Variants in DCUN1D5 observed in about 807,000 individuals in gnomAD.
The protein encoded by DCUN1D5 is defective in cullin neddylation 1 domain containing 5.
Under a neutral mutation model 38.3 loss-of-function variants are expected in DCUN1D5, and 10 were observed. The observed-to-expected ratio is 0.26, with a 90% confidence interval of 0.16 to 0.44. The LOEUF (loss-of-function observed/expected upper bound fraction) is 0.44, where lower values mean the gene tolerates loss of function less well. Ranked by LOEUF, DCUN1D5 falls within the 20% of genes least tolerant of loss-of-function variation. The pLI is 1.00. For synonymous variants in DCUN1D5, 93 were observed against 90.9 expected (o/e 1.02, Z -0.13); for missense variants, 148 against 275.3 (o/e 0.54, Z 3.27).
In DCUN1D5 at chr11:103,058,840, G is replaced by A. The variant is rs528681159; in HGVS notation, c.*3519C>T. Among the ~76,000 whole-genome samples, 8 of 152,102 alleles carry A rather than the reference G, an allele frequency of 5.3e-5. No individual in the cohort carries two copies. The highest frequency in any genetic ancestry group is 4.6e-4 in the Admixed American group (7 of 15,280). ...AAAGTGGTATTTCCTCAAGAGGGAA[G>A]GATTCCTCCTTAGAGGTAAGAATTC... On this transcript the variant is annotated 3_prime_UTR_variant, in exon 8 of 8. Coordinates refer to ENST00000260247, the MANE Select transcript of DCUN1D5 (RefSeq NM_032299.4).
At position 103,071,966 on chromosome 11, in the gene DCUN1D5, A is replaced by G. The variant is rs1211621590; in HGVS notation, c.342-5399T>C. ...TGATACCAAAACCAGGCAAATACAA[A>G]AAAAAGCCACATAATTTTATCATTT... On this transcript the variant is annotated intron_variant, in intron 4 of 7. Transcript: ENST00000260247. This position sits in a 1 kb window ranked among gnomAD's most constrained non-coding sequence, Gnocchi z 4.1. Among the ~76,000 whole-genome samples, 2 of 151,820 alleles carry G rather than the reference A, an allele frequency of 1.3e-5. No homozygotes were observed. The highest frequency in any genetic ancestry group is 2.9e-5 in the Non-Finnish European group (2 of 67,930).
At chr11:103,076,743 C>A (rs1397732676) in intron 4 of DCUN1D5, among the ~76,000 whole-genome samples, 1 of 152,144 alleles carries the variant, frequency 6.6e-6, no homozygotes, top group Non-Finnish European at 1.5e-5. Flanking sequence ...AAATGAGAAT[C>A]CATGTGTTAA....
At position 103,050,977 on chromosome 11, in the gene DCUN1D5, C is replaced by T. The variant is rs1861711926; in HGVS notation, c.*11382G>A. ...CAGACCCAGAATAAGGGGGGAAACC[C>T]TCCATGTCTACAGGATGCAGTAGAG... is the stretch of plus-strand genomic sequence containing the variant. On this transcript the variant is annotated 3_prime_UTR_variant, in exon 8 of 8. Transcript: ENST00000260247. 6.6e-6 allele frequency: 1 copy of T among 152,156 alleles called. No homozygotes were observed. Among genetic ancestry groups the T allele is most frequent in the African/African-American group, 2.4e-5 (1 of 41,436 alleles). The allele number at this position is 152,156 out of a possible 1,614,324, so 9.4% of individuals were successfully genotyped here.
chr11:103,066,404 T>C lies in DCUN1D5; in HGVS notation c.451-31A>G. ...ATATAAGTGAAAAAGTTTTCCTAAG[T>C]GTGGTCTCAAGATGAAAAGCTATTA... On this transcript the variant is annotated intron_variant, in intron 5 of 7. Coordinates refer to ENST00000260247, the MANE Select transcript of DCUN1D5 (RefSeq NM_032299.4). This position sits in a 1 kb window ranked among gnomAD's most constrained non-coding sequence, Gnocchi z 4.7. The C allele has an allele frequency of 6.3e-7, 1 of 1,598,372 alleles. No homozygotes were observed. Among genetic ancestry groups the C allele is most frequent in the Non-Finnish European group, 8.5e-7 (1 of 1,170,406 alleles).
Position 103,077,017 on chromosome 11 carries a change from T to C in DCUN1D5, c.341+5731A>G, listed in dbSNP as rs560477986. Among the ~76,000 whole-genome samples the C allele has an allele frequency of 6.6e-5, 10 of 152,168 alleles. 1 individual carries two copies. The South Asian group carries it at 1.7e-3, about 25-fold the overall frequency. On this transcript the variant is annotated intron_variant, in intron 4 of 7. Transcript: ENST00000260247. This position sits in a 1 kb window ranked among gnomAD's most constrained non-coding sequence, Gnocchi z 4.3. Reference sequence around the variant, plus strand: ...ATCAAGACCATCCCGGCTAACATGGTGAAACCCCGTCTCTACTAAAAATAC... The same window carrying C: ...ATCAAGACCATCCCGGCTAACATGGCGAAACCCCGTCTCTACTAAAAATAC...
In DCUN1D5 at chr11:103,091,825, T is replaced by C; in HGVS notation, c.48A>G (p.Val16=). 1 of 1,614,070 alleles carries C rather than the reference T, an allele frequency of 6.2e-7. No individual in the cohort carries two copies. ...ACTTTTTGAGGCCTCCGTCTTCCGC[T>C]ACTGCTGCTGCCACCCCAGGGGATT... ...KRKSPGVAAA[V]AEDGGLKKCK... The change falls in exon 1 of 8, where the codon GTA becomes GTG. Residue 16 remains valine (V), a synonymous_variant. Transcript: ENST00000260247. This position sits in a 1 kb window ranked among gnomAD's most constrained non-coding sequence, Gnocchi z 4.3.
At chr11:103,072,175 C>T (rs1196280992) in intron 4 of DCUN1D5, among the ~76,000 whole-genome samples, 2 of 152,044 alleles carry the variant, frequency 1.3e-5, no homozygotes, top group African/African-American at 2.4e-5. Context: ...ACTCTTTCCA[C>T]TCTTATCGAC....
chr11:103,089,673 TG>T (rs1221426212), intron 1 of DCUN1D5, among the ~76,000 whole-genome samples: 1 of 151,680 alleles, frequency 6.6e-6, no homozygotes, highest in Non-Finnish European at 1.5e-5. Context: ...TCTATTTGTG[TG>T]TAATAGATAA....
chr11:103,089,929 A>G (rs1862813346), intron 1 of DCUN1D5, among the ~76,000 whole-genome samples: 1 of 151,928 alleles, frequency 6.6e-6, no homozygotes, highest in African/African-American at 2.4e-5. Context: ...GGTTCTGTTC[A>G]TTCTATTTCA....
chr11:103,080,364 GAC>G (rs1465739850), intron 4 of DCUN1D5, among the ~76,000 whole-genome samples: 1 of 152,138 alleles, frequency 6.6e-6, no homozygotes, highest in Non-Finnish European at 1.5e-5. Flanking sequence ...AATTTCTAAA[GAC>G]ACAGATTTTT....
intron 1 of DCUN1D5, among the ~76,000 whole-genome samples, chr11:103,089,917 T>C (rs1308194410): frequency 6.6e-6 from 1 of 152,098 alleles, no homozygotes; most frequent in Non-Finnish European, 1.5e-5. Context: ...TATTTAATCC[T>C]AGGTTCTGTT....
rs915951852 is a variant in DCUN1D5 at position 103,051,619 on chromosome 11, A to G, written c.*10740T>C. The G allele has an allele frequency of 6.6e-6, 1 of 152,052 alleles. No individual in the cohort carries two copies. Among genetic ancestry groups the G allele is most frequent in the Admixed American group, 6.6e-5 (1 of 15,244 alleles). 9.4% of individuals were successfully genotyped at this position (152,052 alleles called of 1,614,324 possible). ...TCATTTATTCTTTGTCATTAAACAA[A>G]TATTTGGAACCCACTACATTCAAAG... On this transcript the variant is annotated 3_prime_UTR_variant, in exon 8 of 8. Transcript: ENST00000260247.
chr11:103,089,748 A>C (rs1192359717), intron 1 of DCUN1D5, among the ~76,000 whole-genome samples: 2 of 152,146 alleles, frequency 1.3e-5, no homozygotes, highest in African/African-American at 4.8e-5. Context: ...TTTCAAAATA[A>C]AATGTTATAT....
chr11:103,051,501 T>TCCCCCCCCCCCCC lies in DCUN1D5; in HGVS notation c.*10845_*10857dup, dbSNP rs71066136. 1.2e-4 allele frequency: 13 copies of TCCCCCCCCCCCCC among 111,408 alleles called. 1 individual carries two copies. Among genetic ancestry groups the TCCCCCCCCCCCCC allele is most frequent in the African/African-American group, 3.2e-4 (8 of 24,766 alleles). 6.9% of individuals were successfully genotyped at this position (111,408 alleles called of 1,614,324 possible). The stretch of plus-strand genomic sequence containing the variant: ...GATTTGGTGGCTTCACATATTTACT[T>TCCCCCCCCCCCCC]CCCCCCCCCCCCCGCCACCCCTGTG... On this transcript the variant is annotated 3_prime_UTR_variant, in exon 8 of 8. Coordinates refer to ENST00000260247, the MANE Select transcript of DCUN1D5 (RefSeq NM_032299.4).
At position 103,087,551 on chromosome 11, in the gene DCUN1D5, G is replaced by A. The variant is rs1225989257; in HGVS notation, c.178+1676C>T. Among the ~76,000 whole-genome samples, 2 of 152,210 alleles carry A rather than the reference G, an allele frequency of 1.3e-5. No individual in the cohort carries two copies. Among genetic ancestry groups the A allele is most frequent in the Non-Finnish European group, 1.5e-5 (1 of 68,044 alleles). On this transcript the variant is annotated intron_variant, in intron 2 of 7. Transcript: ENST00000260247. The surrounding 1 kb of genome is among the most constrained non-coding windows in gnomAD (Gnocchi z 4.1). ...TATATTCCCACCTACTAGAAAGGCT[G>A]AGGTGGGAGGATGGCCTGAGCCCAG...
chr11:103,074,795 C>G (rs1171622685), intron 4 of DCUN1D5, among the ~76,000 whole-genome samples: 1 of 152,166 alleles, frequency 6.6e-6, no homozygotes, highest in Non-Finnish European at 1.5e-5. Context: ...ACAGAGTTGT[C>G]TTATGCGGAA....
intron 4 of DCUN1D5, among the ~76,000 whole-genome samples, chr11:103,076,368 T>C (rs766666737): frequency 6.6e-6 from 1 of 152,170 alleles, no homozygotes; most frequent in South Asian, 2.1e-4. Context: ...AAGCACATAG[T>C]GACTGAGAAG....
chr11:103,089,960 T>G, intron 1 of DCUN1D5, among the ~76,000 whole-genome samples: 1 of 129,374 alleles, frequency 7.7e-6, no homozygotes, highest in South Asian at 2.6e-4. Flanking sequence ...AAAATCATTT[T>G]CATTGTTTTT....
rs1273565285 is a variant in DCUN1D5, at chr11:103,058,365, G to A, written c.*3994C>T. Among the ~76,000 whole-genome samples, 1 of 152,114 alleles carries A rather than the reference G, an allele frequency of 6.6e-6. No homozygotes were observed. The highest frequency in any genetic ancestry group is 2.4e-5 in the African/African-American group (1 of 41,436). ...AGGTGGACACAGCAAATGTATGATC[G>A]ATCAGTTTTAAGACTGTTTTTAAAA... On this transcript the variant is annotated 3_prime_UTR_variant, in exon 8 of 8. Coordinates refer to ENST00000260247, the MANE Select transcript of DCUN1D5 (RefSeq NM_032299.4).
Sources: gnomAD v4.1 joint callset for allele counts (sites outside exome capture counted in the v4.1 genomes callset) on GRCh38, gnomAD v4.1.1 for gene constraint, Gnocchi (gnomAD v3.1) non-coding constraint, MANE v1.5 for transcripts, NCBI Gene and HGNC (gene_info 2026-07-23, HGNC 2026-07-21) for gene names.